KDELR1: variants seen among roughly 807,000 people sequenced by gnomAD.
The protein encoded by KDELR1 is KDEL endoplasmic reticulum protein retention receptor 1, also known as ER lumen protein-retaining receptor 1.
Under a neutral mutation model 25.5 loss-of-function variants are expected in KDELR1, and 16 were observed. The ratio of observed to expected loss-of-function variants is 0.63; its 90% CI spans 0.43 to 0.95. The LOEUF is 0.95. Among genes scored for constraint, KDELR1 ranks in the 40% least tolerant of loss-of-function variants. The pLI is 0.00. For synonymous variants in KDELR1, 121 were observed against 115.0 expected, an observed-to-expected ratio of 1.05 and a Z score of -0.33; for missense variants, 159 against 265.2, an observed-to-expected ratio of 0.60 and a Z score of 2.78.
At chr19:48,395,801 G>A (rs559534627), upstream of KDELR1, among the ~76,000 whole-genome samples, 14 of 152,242 alleles carry the variant, frequency 9.2e-5, no homozygotes, top group Non-Finnish European at 1.3e-4. Context: ...CTTAAGGGAG[G>A]ACAGGAGCCG....
At chr19:48,387,702 A>AG (rs1970507914) in intron 3 of KDELR1, 2 of 151,980 alleles carry the variant, frequency 1.3e-5, no homozygotes, top group Non-Finnish European at 2.9e-5. Flanking sequence ...AAAAAAAAAA[A>AG]AAAGAAATAT....
Position 48,382,972 on chromosome 19 carries a change from C to T in KDELR1, c.*321G>A, listed in dbSNP as rs1012017917. 18 of 347,050 alleles carry T rather than the reference C, an allele frequency of 5.2e-5. No individual in the cohort carries two copies. The highest frequency in any genetic ancestry group is 1.5e-4 in the African/African-American group (7 of 46,428). 21.5% of individuals were successfully genotyped at this position (347,050 alleles called of 1,614,324 possible). A position where few individuals can be genotyped will look rare whatever the true frequency, so the allele number is the denominator to read the frequency against. On this transcript the variant is annotated 3_prime_UTR_variant, in exon 5 of 5. Coordinates refer to ENST00000330720, the MANE Select transcript of KDELR1 (RefSeq NM_006801.3). ...AGGGAAAAGATCTTGGACCCTGCCC[C>T]GGCCCATAGGACACTCAAAAACACT...
rs550891794 is a variant in KDELR1 at position 48,384,873 on chromosome 19, C to T, written c.352-391G>A. On this transcript the variant is annotated intron_variant, in intron 3 of 4. Coordinates refer to ENST00000330720, the MANE Select transcript of KDELR1 (RefSeq NM_006801.3). The surrounding 1 kb of genome is among the most constrained non-coding windows in gnomAD (Gnocchi z 4.6). The stretch of plus-strand genomic sequence containing the variant: ...GTTGGAATCTTGCCTTGGAAATTTC[C>T]CTTCCTTTTTCTTTTTCTTTTTTTT... Among the ~76,000 whole-genome samples the T allele has an allele frequency of 6.7e-6, 1 of 149,690 alleles. No individual in the cohort carries two copies. Among genetic ancestry groups the T allele is most frequent in the Non-Finnish European group, 1.5e-5 (1 of 67,840 alleles).
chr19:48,384,336 C>T lies in KDELR1; in HGVS notation c.498G>A (p.Trp166Ter). ...GVYRTLYLFN[W>*]IWRYHFEGFF... ...AGCCCTCGAAATGGTAGCGCCAGAT[C>T]CAGTTGAAGAGATAGAGCGTGCGGT... Residue 166 changes from tryptophan to a stop codon, truncating the protein, a stop_gained, in exon 4 of 5, where the codon TGG becomes TGA. Coordinates refer to ENST00000330720, the MANE Select transcript of KDELR1 (RefSeq NM_006801.3). LOFTEE classifies it high-confidence loss of function. The surrounding 1 kb of genome is among the most constrained non-coding windows in gnomAD (Gnocchi z 4.6). The T allele has an allele frequency of 6.2e-7, 1 of 1,614,220 alleles. No individual in the cohort carries two copies. The highest frequency in any genetic ancestry group is 8.5e-7 in the Non-Finnish European group (1 of 1,180,046).
At chr19:48,388,788 GGAAA>G (rs1418543263) in intron 3 of KDELR1, among the ~76,000 whole-genome samples, 3 of 140,306 alleles carry the variant, frequency 2.1e-5, no homozygotes, top group African/African-American at 2.7e-5. Context: ...AAGAAAGAAA[GGAAA>G]GAAAGAGAAA....
intron 4 of KDELR1, among the ~76,000 whole-genome samples, chr19:48,383,925 T>C (rs1970475015): frequency 6.6e-6 from 1 of 152,198 alleles, no homozygotes; most frequent in Non-Finnish European, 1.5e-5. Context: ...GCTGGGGACA[T>C]AGAAAGTACT....
At position 48,384,796 on chromosome 19, in the gene KDELR1, A is replaced by G. The variant is rs1970482202; in HGVS notation, c.352-314T>C. 1.3e-5 allele frequency among the ~76,000 whole-genome samples: 2 copies of G among 152,156 alleles called. No homozygotes were observed. The highest frequency in any genetic ancestry group is 2.9e-5 in the Non-Finnish European group (2 of 68,032). The stretch of plus-strand genomic sequence containing the variant: ...GCAATGATTCGAACCAAGGATTCGC[A>G]GTCCGTTCTCATGAACACTTTGCAA... On this transcript the variant is annotated intron_variant, in intron 3 of 4. Coordinates refer to ENST00000330720, the MANE Select transcript of KDELR1 (RefSeq NM_006801.3). This position sits in a 1 kb window ranked among gnomAD's most constrained non-coding sequence, Gnocchi z 4.6.
At chr19:48,393,830 CG>C (rs1970594703), upstream of KDELR1, among the ~76,000 whole-genome samples, 1 of 151,934 alleles carries the variant, frequency 6.6e-6, no homozygotes, top group Non-Finnish European at 1.5e-5. This position sits in a 1 kb window ranked among gnomAD's most constrained non-coding sequence, Gnocchi z 5.6. Flanking sequence ...TAGGTCGGCC[CG>C]GCCCCCAGGG....
At chr19:48,385,436 G>A (rs988159024) in intron 3 of KDELR1, among the ~76,000 whole-genome samples, 3 of 152,290 alleles carry the variant, frequency 2.0e-5, no homozygotes, top group South Asian at 2.1e-4. Flanking sequence ...TGTTCACCCC[G>A]TGGCCCTAGC....
At chr19:48,390,993 G>C (rs1970543949) in intron 1 of KDELR1, 1 of 529,698 alleles carries the variant, frequency 1.9e-6, no homozygotes, top group Non-Finnish European at 3.4e-6. Context: ...ATGGTTCCCT[G>C]TTCCCGGTCC....
rs376109942 is a variant in KDELR1 at position 48,389,546 on chromosome 19, C to T, written c.351+7G>A. The T allele has an allele frequency of 3.1e-6, 5 of 1,613,910 alleles. No individual in the cohort carries two copies. The highest frequency in any genetic ancestry group is 1.3e-5 in the African/African-American group (1 of 75,030). On this transcript the variant is annotated splice_region_variant and intron_variant, in intron 3 of 4. Transcript: ENST00000330720. ...CCCCAAATAAGGAGTCACAGCAAGG[C>T]GCCTACCTCCAGAGGGGTGAAGTCA...
At chr19:48,389,355 T>C in intron 3 of KDELR1, 198 bp downstream of exon 3, 1 of 607,138 alleles carries the variant, frequency 1.6e-6, no homozygotes, top group Admixed American at 2.9e-5. Context: ...ATGCTTAGGG[T>C]AGTGACTGAC....
At position 48,389,565 on chromosome 19, in the gene KDELR1, G is replaced by A; in HGVS notation, c.339C>T (p.Phe113=). Residue 113 remains phenylalanine, a synonymous_variant, in exon 3 of 5, where the codon TTC becomes TTT. Transcript: ENST00000330720. ...GCAAGGCGCCTACCTCCAGAGGGGT[G>A]AAGTCATGATTGACCAGGAACGCCA... The part of the protein sequence containing the change: ...AILAFLVNHD[F]TPLEILWTFS... 1.2e-6 allele frequency: 2 copies of A among 1,614,110 alleles called. No homozygotes were observed. Among genetic ancestry groups the A allele is most frequent in the Non-Finnish European group, 1.7e-6 (2 of 1,179,976 alleles).
At position 48,389,636 on chromosome 19, in the gene KDELR1, G is replaced by T. The variant is rs1187226445; in HGVS notation, c.268C>A (p.His90Asn). 1 of 1,614,142 alleles carries T rather than the reference G, an allele frequency of 6.2e-7. No homozygotes were observed. Among genetic ancestry groups the T allele is most frequent in the Non-Finnish European group, 8.5e-7 (1 of 1,179,990 alleles). ...SKFKATYDGN[H>N]DTFRVEFLVV... is the part of the protein sequence containing the mutation. ...AGGAACTCCACTCTGAACGTGTCAT[G>T]GTTCCCATCGTAAGTAGCTTTGAAC... Residue 90 changes from histidine to asparagine, a missense_variant, in exon 3 of 5, where the codon CAT (histidine) becomes AAT (asparagine). Coordinates refer to ENST00000330720, the MANE Select transcript of KDELR1 (RefSeq NM_006801.3).
the KDELR1 span, among the ~76,000 whole-genome samples, chr19:48,396,746 G>A: frequency 1.3e-4 from 20 of 151,992 alleles, no homozygotes; most frequent in Non-Finnish European, 2.8e-4. Context: ...CTGTGGCCTC[G>A]AGGCAGGGGA....
intron 3 of KDELR1, among the ~76,000 whole-genome samples, chr19:48,385,435 C>G (rs548556102): frequency 6.6e-6 from 1 of 152,204 alleles, no homozygotes; most frequent in Admixed American, 6.5e-5. Context: ...TTGTTCACCC[C>G]GTGGCCCTAG....
At chr19:48,396,996 C>A in the KDELR1 span, among the ~76,000 whole-genome samples, 5 of 152,106 alleles carry the variant, frequency 3.3e-5, no homozygotes, top group Admixed American at 3.3e-4. Context: ...CCAGCCCAAC[C>A]ACCCCAGGCG....
chr19:48,392,743 T>C (rs1970574277), upstream of KDELR1, among the ~76,000 whole-genome samples: 1 of 151,822 alleles, frequency 6.6e-6, no homozygotes, highest in African/African-American at 2.4e-5. Context: ...GGCCCTGGCT[T>C]CCCCCCTGCT....
At chr19:48,386,409 G>A (rs990060375) in intron 3 of KDELR1, among the ~76,000 whole-genome samples, 3 of 149,208 alleles carry the variant, frequency 2.0e-5, no homozygotes, top group Admixed American at 6.7e-5. Context: ...GAGCCACTGC[G>A]CCCAGTCTTG....
Sources: allele counts gnomAD v4.1 joint callset (sites outside exome capture counted in the v4.1 genomes callset), GRCh38; gene constraint gnomAD v4.1.1; non-coding constraint Gnocchi (gnomAD v3.1); transcripts MANE v1.5; gene names NCBI Gene and HGNC (gene_info 2026-07-23, HGNC 2026-07-21).